The following TMEM132D variants were observed in gnomAD, a reference collection of about 807,000 sequenced individuals.
TMEM132D encodes the protein mature OL transmembrane protein.
A neutral mutation model predicts 62.3 loss-of-function variants in TMEM132D; 21 were observed. That is an observed-to-expected ratio of 0.34 (90% confidence interval 0.24 to 0.49). The LOEUF (loss-of-function observed/expected upper bound fraction) is 0.49, where lower values mean the gene tolerates loss of function less well. Ranked by LOEUF, TMEM132D falls within the 20% of genes least tolerant of loss-of-function variation. The pLI is 0.99. For missense variants in TMEM132D, 1,346 were observed against 1,402.8 expected (o/e 0.96, Z 0.65); for synonymous variants, 621 against 575.6 (o/e 1.08, Z -1.13).
chr12:129,838,798 T>G (rs1032663773), intron 1 of TMEM132D, among the ~76,000 whole-genome samples: 1 of 152,138 alleles, frequency 6.6e-6, no homozygotes, highest in Non-Finnish European at 1.5e-5. Context: ...AAAAGACTAA[T>G]GAGATATTCT....
chr12:129,541,593 T>G (rs566620940), intron 2 of TMEM132D, among the ~76,000 whole-genome samples: 1 of 152,262 alleles, frequency 6.6e-6, no homozygotes, highest in South Asian at 2.1e-4. Context: ...AGCAAACTGT[T>G]TGCCTCATTG....
chr12:129,565,819 C>T (rs118053259), intron 2 of TMEM132D, among the ~76,000 whole-genome samples: 1,544 of 152,292 alleles, frequency 0.01, 16 homozygotes, highest in Non-Finnish European at 0.015. Flanking sequence ...AATTCTTTCT[C>T]CTAAGAAGAC....
chr12:129,360,053 T>C (rs1870198034), intron 3 of TMEM132D, among the ~76,000 whole-genome samples: 1 of 151,504 alleles, frequency 6.6e-6, no homozygotes, highest in African/African-American at 2.4e-5. Flanking sequence ...TACAAAACTG[T>C]CCATAGGAAA....
chr12:129,122,739 A>G lies in TMEM132D; in HGVS notation c.1444-38037T>C, dbSNP rs1027352228. Among the ~76,000 whole-genome samples, 8 of 152,360 alleles carry G rather than the reference A, an allele frequency of 5.3e-5. No homozygotes were observed. In the South Asian group the frequency reaches 1.4e-3, roughly 28 times the overall value. ...GATAATGGAGTATATGAAATAATAA[A>G]TGTACCCTACATTTTCTTTTGTAGT... is the stretch of plus-strand genomic sequence containing the variant. On this transcript the variant is annotated intron_variant, in intron 5 of 8. Transcript: ENST00000422113.
rs367609188 is a variant in TMEM132D, at chr12:129,474,558, C to A, written c.1115+56501G>T. Among the ~76,000 whole-genome samples, 217 of 152,266 alleles carry A rather than the reference C, an allele frequency of 1.4e-3. 3 individuals carry two copies. Among genetic ancestry groups the A allele is most frequent in the South Asian group, 3.3e-3 (16 of 4,818 alleles). On this transcript the variant is annotated intron_variant, in intron 3 of 8. Transcript: ENST00000422113. ...TTCTGCTGGGACTAAATCTGCTGTC[C>A]CTGACTGACTGACTGTCAGAAGTTG...
chr12:129,294,753 A>G (rs1881527287), intron 4 of TMEM132D, among the ~76,000 whole-genome samples: 1 of 152,134 alleles, frequency 6.6e-6, no homozygotes, highest in South Asian at 2.1e-4. Flanking sequence ...GTTTGCTCCC[A>G]TCACCCCCCT....
intron 5 of TMEM132D, among the ~76,000 whole-genome samples, chr12:129,097,082 G>A (rs1875139730): frequency 1.3e-5 from 2 of 152,230 alleles, no homozygotes; most frequent in South Asian, 2.1e-4. Flanking sequence ...GCTGGTCCTG[G>A]CCAGGGTTTC....
At chr12:129,429,364 GTTT>G (rs1233613530) in intron 3 of TMEM132D, among the ~76,000 whole-genome samples, 1 of 145,856 alleles carries the variant, frequency 6.9e-6, no homozygotes, top group Admixed American at 6.8e-5. Context: ...TTGCTTTATA[GTTT>G]TTTGTTTGTT....
chr12:129,432,303 ATGGATGGATGGATGCT>A (rs1214064667), intron 3 of TMEM132D, among the ~76,000 whole-genome samples: 474 of 35,556 alleles, frequency 0.013, 4 homozygotes, highest in African/African-American at 0.056. Context: ...GGATGGATGG[ATGGATGGATGGATGCT>A]TGGATGGATG....
chr12:129,891,097 G>A (rs761465946), intron 1 of TMEM132D, among the ~76,000 whole-genome samples: 7 of 152,082 alleles, frequency 4.6e-5, no homozygotes, highest in African/African-American at 9.7e-5. Context: ...CCGGTGACTC[G>A]GTGGCACCCT....
At chr12:129,803,870 C>T (rs1450353008) in intron 1 of TMEM132D, among the ~76,000 whole-genome samples, 18 of 145,768 alleles carry the variant, frequency 1.2e-4, no homozygotes, top group African/African-American at 4.5e-4. Flanking sequence ...CACCACTGAT[C>T]CCACAGAAAT....
chr12:129,620,286 G>A (rs1212812301), intron 2 of TMEM132D, among the ~76,000 whole-genome samples: 2 of 152,150 alleles, frequency 1.3e-5, no homozygotes, highest in East Asian at 3.9e-4. Context: ...CCACACAGAA[G>A]CCAAAGACCT....
At chr12:129,778,316 A>G (rs577332474) in intron 1 of TMEM132D, among the ~76,000 whole-genome samples, 10 of 152,206 alleles carry the variant, frequency 6.6e-5, no homozygotes, top group African/African-American at 1.9e-4. Flanking sequence ...CTCACTGATT[A>G]TATCATTCCC....
chr12:129,268,194 T>C (rs1359396717), intron 4 of TMEM132D, among the ~76,000 whole-genome samples: 1 of 152,148 alleles, frequency 6.6e-6, no homozygotes, highest in Non-Finnish European at 1.5e-5. Flanking sequence ...GGGATCTAAT[T>C]AAACTGAAGA....
rs187808626 is a variant in TMEM132D, at chr12:129,882,791, G to A, written c.79+20470C>T. Among the ~76,000 whole-genome samples, 5 of 152,200 alleles carry A rather than the reference G, an allele frequency of 3.3e-5. No homozygotes were observed. The East Asian group carries it at 9.6e-4, about 29-fold the overall frequency. On this transcript the variant is annotated intron_variant, in intron 1 of 8. Coordinates refer to ENST00000422113, the MANE Select transcript of TMEM132D (RefSeq NM_133448.3). ...GGAAAACCAGATGATCATGGCAATT[G>A]GTGCAATAGAAGTAGTCTGGCAAGG...
intron 5 of TMEM132D, among the ~76,000 whole-genome samples, chr12:129,127,813 C>G (rs1876259712): frequency 6.6e-6 from 1 of 152,232 alleles, no homozygotes; most frequent in Non-Finnish European, 1.5e-5. Flanking sequence ...CCTCTTGTCT[C>G]CCGTCTCACA....
At chr12:129,685,199 G>A (rs1565948481) in intron 2 of TMEM132D, among the ~76,000 whole-genome samples, 1 of 152,112 alleles carries the variant, frequency 6.6e-6, no homozygotes, top group Non-Finnish European at 1.5e-5. Context: ...CAAGACAATG[G>A]GAAAAAATGT....
intron 3 of TMEM132D, among the ~76,000 whole-genome samples, chr12:129,438,238 A>G (rs1872842171): frequency 6.6e-6 from 1 of 152,176 alleles, no homozygotes; most frequent in East Asian, 1.9e-4. Flanking sequence ...ATGATTTATC[A>G]TCCTTTGGGT....
chr12:129,513,227 A>G (rs1286365718), intron 3 of TMEM132D, among the ~76,000 whole-genome samples: 2 of 152,104 alleles, frequency 1.3e-5, no homozygotes, highest in African/African-American at 4.8e-5. Flanking sequence ...TGTGAAGAGG[A>G]GAAAACTTGA....
Sources: gnomAD v4.1 joint callset for allele counts (sites outside exome capture counted in the v4.1 genomes callset) on GRCh38, gnomAD v4.1.1 for gene constraint, MANE v1.5 for transcripts, NCBI Gene and HGNC (gene_info 2026-07-23, HGNC 2026-07-21) for gene names.